The following TSPAN9 variants were observed in gnomAD, a reference collection of about 807,000 sequenced individuals.
TSPAN9 encodes the protein tetraspanin-9.
In TSPAN9, 16 loss-of-function variants were observed where a neutral mutation model predicts 31.0. That is an observed-to-expected ratio of 0.52 (90% CI 0.35 to 0.78). The LOEUF is 0.78. Ranked by LOEUF, TSPAN9 falls within the 30% of genes least tolerant of loss-of-function variation. The pLI is 0.01. For synonymous variants in TSPAN9, 145 were observed against 121.6 expected (o/e 1.19, Z -1.27); for missense variants, 272 against 312.5 (o/e 0.87, Z 0.98).
chr12:3,156,853 G>A (rs895416060), intron 2 of TSPAN9, among the ~76,000 whole-genome samples: 1 of 152,132 alleles, frequency 6.6e-6, no homozygotes, highest in African/African-American at 2.4e-5. Flanking sequence ...AGGGTTAGCT[G>A]GCTAGCTGGG....
At chr12:3,209,958 CAAAAAAAAAA>C (rs57719008) in intron 3 of TSPAN9, among the ~76,000 whole-genome samples, 2 of 49,742 alleles carry the variant, frequency 4.0e-5, no homozygotes, top group African/African-American at 1.3e-4. Flanking sequence ...GACTCTGTCC[CAAAAAAAAAA>C]AAAAAAAAAA....
chr12:3,263,718 G>A (rs11831395), intron 3 of TSPAN9, among the ~76,000 whole-genome samples: 23,097 of 124,142 alleles, frequency 0.19, 2,051 homozygotes, highest in East Asian at 0.43. Flanking sequence ...ACAGGCACCC[G>A]GCAAAGTCAG....
At chr12:3,238,974 A>G (rs2098395223) in intron 3 of TSPAN9, among the ~76,000 whole-genome samples, 1 of 152,184 alleles carries the variant, frequency 6.6e-6, no homozygotes, top group Non-Finnish European at 1.5e-5. Flanking sequence ...GGTGGCCGCC[A>G]TCTCAGCCCA....
intron 2 of TSPAN9, among the ~76,000 whole-genome samples, chr12:3,116,415 C>T (rs1441242405): frequency 6.6e-6 from 1 of 152,152 alleles, no homozygotes; most frequent in African/African-American, 2.4e-5. Context: ...TTACTAGGTT[C>T]TGATGAAGAT....
intron 3 of TSPAN9, among the ~76,000 whole-genome samples, chr12:3,277,001 G>A (rs1862801548): frequency 6.6e-6 from 1 of 152,158 alleles, no homozygotes; most frequent in Non-Finnish European, 1.5e-5. Flanking sequence ...GCAGGGGCTG[G>A]GCTGATTCCT....
chr12:3,252,029 G>C (rs1333499740), intron 3 of TSPAN9, among the ~76,000 whole-genome samples: 1 of 152,106 alleles, frequency 6.6e-6, no homozygotes, highest in Non-Finnish European at 1.5e-5. Flanking sequence ...CGTGAGTGAG[G>C]GTGAGGGGTC....
At chr12:3,182,895 G>A (rs1315963037) in intron 2 of TSPAN9, among the ~76,000 whole-genome samples, 1 of 152,240 alleles carries the variant, frequency 6.6e-6, no homozygotes, top group Non-Finnish European at 1.5e-5. Flanking sequence ...CCAGTCAGGA[G>A]CTGAGCACAA....
chr12:3,133,860 C>T (rs1364335934), intron 2 of TSPAN9, among the ~76,000 whole-genome samples: 7 of 152,278 alleles, frequency 4.6e-5, no homozygotes, highest in African/African-American at 4.8e-5. Flanking sequence ...CACCATGGCA[C>T]GGGGTAATGG....
chr12:3,220,145 C>CAAAAAAAAAAAAAAAAAAAAAAAAAAA (rs55735802), intron 3 of TSPAN9, among the ~76,000 whole-genome samples: 9 of 137,344 alleles, frequency 6.6e-5, no homozygotes, highest in African/African-American at 8.6e-5. Context: ...AACTCTGTCT[C>CAAAAAAAAAAAAAAAAAAAAAAAAAAA]AAAAAAAAAA....
chr12:3,146,454 G>A (rs1369805095), intron 2 of TSPAN9, among the ~76,000 whole-genome samples: 1 of 152,214 alleles, frequency 6.6e-6, no homozygotes, highest in Non-Finnish European at 1.5e-5. Context: ...ACCAGTATCT[G>A]TGGAGCACCT....
At chr12:3,209,047 C>T (rs961641528) in intron 3 of TSPAN9, among the ~76,000 whole-genome samples, 4 of 151,842 alleles carry the variant, frequency 2.6e-5, no homozygotes, top group African/African-American at 9.7e-5. Context: ...CCAGCCTGGC[C>T]AACATAGTGA....
chr12:3,087,791 C>T (rs2098301393), intron 2 of TSPAN9, among the ~76,000 whole-genome samples: 1 of 152,036 alleles, frequency 6.6e-6, no homozygotes, highest in Non-Finnish European at 1.5e-5. Flanking sequence ...GGCAACAGAG[C>T]CAAGACTCCA....
chr12:3,174,810 C>T (rs1170226564), intron 2 of TSPAN9, among the ~76,000 whole-genome samples: 2 of 150,536 alleles, frequency 1.3e-5, no homozygotes, highest in South Asian at 2.1e-4. Context: ...TCTCGATCTC[C>T]TGACCTCGTG....
chr12:3,101,244 GGT>G (rs1245336667), intron 2 of TSPAN9, among the ~76,000 whole-genome samples: 1 of 152,106 alleles, frequency 6.6e-6, no homozygotes, highest in East Asian at 1.9e-4. Context: ...TAGGACTCTT[GGT>G]GAAGGATTCT....
At chr12:3,108,548 G>A (rs957889677) in intron 2 of TSPAN9, among the ~76,000 whole-genome samples, 6 of 152,138 alleles carry the variant, frequency 3.9e-5, no homozygotes, top group African/African-American at 1.4e-4. Context: ...AGTGTGGCTC[G>A]ACTTTCATCC....
intron 2 of TSPAN9, among the ~76,000 whole-genome samples, chr12:3,128,274 C>T (rs1406661854): frequency 6.6e-6 from 1 of 152,176 alleles, no homozygotes; most frequent in Admixed American, 6.5e-5. Context: ...GGGCCCTGAC[C>T]ACTTTTTCTC....
Position 3,172,030 on chromosome 12 carries a change from G to C in TSPAN9, c.-17-29147G>C, listed in dbSNP as rs11612038. 21,149 of 152,286 alleles carry C rather than the reference G, an allele frequency of 0.14. 1,792 individuals are homozygous for C. The highest frequency in any genetic ancestry group is 0.2 in the Non-Finnish European group (13,478 of 68,016). 9.4% of individuals were successfully genotyped at this position (152,286 alleles called of 1,614,324 possible). On this transcript the variant is annotated intron_variant, in intron 2 of 8. Transcript: ENST00000011898. This position sits in a 1 kb window ranked among gnomAD's most constrained non-coding sequence, Gnocchi z 4.8. ...TAGCTAGTTTATGGGTCCCATCCTG[G>C]TTGTGATAACTCAGGCTGAGCTGGA...
At chr12:3,257,755 A>G (rs1312496327) in intron 3 of TSPAN9, among the ~76,000 whole-genome samples, 1 of 120,028 alleles carries the variant, frequency 8.3e-6, no homozygotes, top group East Asian at 2.6e-4. Context: ...TGATAGGTCA[A>G]GAGACTTTGG....
In TSPAN9 at chr12:3,192,072, G is replaced by A. The variant is rs2098364695; in HGVS notation, c.-17-9105G>A. Among the ~76,000 whole-genome samples the A allele has an allele frequency of 6.6e-6, 1 of 152,156 alleles. No individual in the cohort carries two copies. The highest frequency in any genetic ancestry group is 2.4e-5 in the African/African-American group (1 of 41,424). The stretch of plus-strand genomic sequence containing the variant: ...GAGGCTCTGAGGAGGTCAGAGCACC[G>A]AGAGTTCACGGCTGTGGCAATAATG... On this transcript the variant is annotated intron_variant, in intron 2 of 8. Coordinates refer to ENST00000011898, the MANE Select transcript of TSPAN9 (RefSeq NM_006675.5). The surrounding 1 kb of genome is among the most constrained non-coding windows in gnomAD (Gnocchi z 4.6).
Sources: allele counts gnomAD v4.1 joint callset (sites outside exome capture counted in the v4.1 genomes callset), GRCh38; gene constraint gnomAD v4.1.1; non-coding constraint Gnocchi (gnomAD v3.1); transcripts MANE v1.5; gene names NCBI Gene and HGNC (gene_info 2026-07-23, HGNC 2026-07-21).